CNOT2: variants seen among roughly 807,000 people sequenced by gnomAD.
The protein encoded by CNOT2 is CC chemokine receptor 4-negative regulator of transcription 2.
In CNOT2, 7 loss-of-function variants were observed where a neutral mutation model predicts 72.1. The ratio of observed to expected loss-of-function variants is 0.10; its 90% confidence interval spans 0.06 to 0.18. The LOEUF is 0.18. Ranked by LOEUF, CNOT2 falls within the 10% of genes least tolerant of loss-of-function variation. The pLI is 1.00. For missense variants in CNOT2, 345 were observed against 660.3 expected, an observed-to-expected ratio of 0.52 and a Z score of 5.23; for synonymous variants, 196 against 225.6, an observed-to-expected ratio of 0.87 and a Z score of 1.17.
At chr12:70,281,602 G>A (rs574650983) in intron 2 of CNOT2, among the ~76,000 whole-genome samples, 3 of 152,200 alleles carry the variant, frequency 2.0e-5, no homozygotes, top group African/African-American at 7.2e-5. Context: ...TTCATGTAAT[G>A]CCTCACCTTT....
rs560578499 is a variant in CNOT2 at position 70,311,677 on chromosome 12, A to T, written c.171+660A>T. On this transcript the variant is annotated intron_variant, in intron 3 of 15. Transcript: ENST00000229195. ...CTTAAAAATGAATGTAATTACTAAA[A>T]TTCTGTTAAGCTACTTTAAATTATA... Among the ~76,000 whole-genome samples, 3 of 152,120 alleles carry T rather than the reference A, an allele frequency of 2.0e-5. No homozygotes were observed. In the East Asian group the frequency reaches 5.8e-4, roughly 29 times the overall value.
chr12:70,329,335 A>G, intron 4 of CNOT2, 88 bp from the exon 5 acceptor site: 1 of 1,001,448 alleles, frequency 1.0e-6, no homozygotes, highest in South Asian at 1.4e-5. Flanking sequence ...AGGTCATTAA[A>G]AGTGTCTTAA....
At position 70,329,433 on chromosome 12, in the gene CNOT2, C is replaced by T. The variant is rs147360239; in HGVS notation, c.249C>T (p.Gly83=). The change falls in exon 5 of 16, where the codon GGC becomes GGT. Residue 83 remains glycine (G), a synonymous_variant. Transcript: ENST00000229195. ...GAATTTTTTTATTAGGTGCACTAGG[C>T]CTTCCAATGAGGGGGATGAGCAACA... ...ASLYGQQSAL[G]LPMRGMSNNT... is the part of the protein sequence containing the mutation. 6.2e-7 allele frequency: 1 copy of T among 1,610,798 alleles called. No individual in the cohort carries two copies. Among genetic ancestry groups the T allele is most frequent in the African/African-American group, 1.3e-5 (1 of 74,630 alleles).
intron 1 of CNOT2, among the ~76,000 whole-genome samples, chr12:70,246,201 T>G (rs1179628435): frequency 6.6e-6 from 1 of 152,202 alleles, no homozygotes; most frequent in Non-Finnish European, 1.5e-5. Flanking sequence ...AAAGCAGTGG[T>G]AAATAATAGC....
chr12:70,330,342 G>A lies in CNOT2; in HGVS notation c.442G>A (p.Gly148Ser). 6.2e-7 allele frequency: 1 copy of A among 1,611,212 alleles called. No individual in the cohort carries two copies. Among genetic ancestry groups the A allele is most frequent in the Non-Finnish European group, 8.5e-7 (1 of 1,177,990 alleles). ...NMMNHSQVGQGIGIPSRTNSM... is the reference protein window; with the variant it reads ...NMMNHSQVGQSIGIPSRTNSM... The stretch of plus-strand genomic sequence containing the variant: ...GATGAACCACTCCCAGGTTGGTCAG[G>A]GCATTGGAATTCCTAGCAGGACAAA... The change falls in exon 6 of 16, where the codon GGC (glycine) becomes AGC (serine). Residue 148 changes from glycine (G) to serine (S), a missense_variant. Gly to Ser is a moderately conservative substitution (Grantham distance 56). Coordinates refer to ENST00000229195, the MANE Select transcript of CNOT2 (RefSeq NM_014515.7).
At chr12:70,287,858 G>A (rs898599442) in intron 2 of CNOT2, among the ~76,000 whole-genome samples, 2 of 149,680 alleles carry the variant, frequency 1.3e-5, no homozygotes, top group Non-Finnish European at 3.0e-5. Context: ...TTAGAACTCT[G>A]GGAATTCTTT....
chr12:70,344,384 C>G (rs1403660922), intron 14 of CNOT2, 156 bp downstream of exon 14: 1 of 567,816 alleles, frequency 1.8e-6, no homozygotes, highest in Non-Finnish European at 3.1e-6. Flanking sequence ...TAGATTAAAA[C>G]CGTATCTTAA....
intron 2 of CNOT2, among the ~76,000 whole-genome samples, chr12:70,298,685 G>T (rs1057467220): frequency 6.7e-6 from 1 of 150,250 alleles, no homozygotes; most frequent in African/African-American, 2.4e-5. Flanking sequence ...CAAAGAATGG[G>T]AGAAAGGGCA....
chr12:70,344,299 G>A, intron 14 of CNOT2, 71 bp downstream of exon 14: 1 of 875,812 alleles, frequency 1.1e-6, no homozygotes, highest in Non-Finnish European at 1.9e-6. Context: ...ATCTTTAAGT[G>A]ATGATGGCTA....
intron 4 of CNOT2, chr12:70,322,225 A>G (rs536542540): frequency 1.3e-3 from 190 of 151,924 alleles, no homozygotes; most frequent in African/African-American, 4.3e-3. Context: ...AAACAACACT[A>G]TTCAAGGACC....
At chr12:70,255,008 G>A (rs1329508892) in intron 1 of CNOT2, among the ~76,000 whole-genome samples, 14 of 149,692 alleles carry the variant, frequency 9.4e-5, no homozygotes, top group African/African-American at 2.2e-4. Flanking sequence ...AGAAGAAGAA[G>A]AAAAAAAGAA....
chr12:70,254,994 AAAAAG>A (rs1958358069), intron 1 of CNOT2, among the ~76,000 whole-genome samples: 4 of 143,496 alleles, frequency 2.8e-5, no homozygotes, highest in Admixed American at 6.9e-5. Context: ...AAAAAAAAAA[AAAAAG>A]AAGAAGAAGA....
chr12:70,342,359 A>G (rs745717509), intron 13 of CNOT2, 52 bp downstream of exon 13: 51 of 1,600,504 alleles, frequency 3.2e-5, no homozygotes, highest in Non-Finnish European at 5.1e-6. Context: ...TCTATTTTTC[A>G]CATGTTTTTC....
chr12:70,274,079 G>T (rs1868369122), intron 1 of CNOT2, among the ~76,000 whole-genome samples: 1 of 152,004 alleles, frequency 6.6e-6, no homozygotes, highest in Non-Finnish European at 1.5e-5. Context: ...TAGTTAATAT[G>T]GCAATTTTCC....
chr12:70,283,531 A>T (rs1418989268), intron 2 of CNOT2, among the ~76,000 whole-genome samples: 1 of 151,708 alleles, frequency 6.6e-6, no homozygotes, highest in Non-Finnish European at 1.5e-5. Flanking sequence ...TTAATACTTA[A>T]CAATTGAAAA....
At chr12:70,262,149 T>C (rs969971158) in intron 1 of CNOT2, among the ~76,000 whole-genome samples, 1 of 152,186 alleles carries the variant, frequency 6.6e-6, no homozygotes, top group Non-Finnish European at 1.5e-5. Flanking sequence ...TTTATCTTTT[T>C]AGATAATAAA....
intron 1 of CNOT2, among the ~76,000 whole-genome samples, chr12:70,244,530 G>C (rs1957780948): frequency 6.6e-6 from 1 of 152,056 alleles, no homozygotes; most frequent in South Asian, 2.1e-4. Flanking sequence ...CTGTAGGTAC[G>C]GTATTACTAC....
At chr12:70,322,781 G>A (rs1311469580) in intron 4 of CNOT2, 2 of 151,692 alleles carry the variant, frequency 1.3e-5, no homozygotes, top group Admixed American at 6.6e-5. Flanking sequence ...AGGTGGGGTG[G>A]TTCAGAAGTG....
At chr12:70,307,810 T>A (rs1195938094) in intron 2 of CNOT2, 1 of 152,044 alleles carries the variant, frequency 6.6e-6, no homozygotes, top group Non-Finnish European at 1.5e-5. Flanking sequence ...TATTAGGCCA[T>A]CATTATCTAT....
Sources: gnomAD v4.1 joint callset for allele counts (sites outside exome capture counted in the v4.1 genomes callset) on GRCh38, gnomAD v4.1.1 for gene constraint, MANE v1.5 for transcripts, NCBI Gene and HGNC (gene_info 2026-07-23, HGNC 2026-07-21) for gene names.